GRAMD4: variants seen among roughly 807,000 people sequenced by gnomAD.
The protein encoded by GRAMD4 is GRAM domain-containing protein 4.
In GRAMD4, 25 loss-of-function variants were observed where a neutral mutation model predicts 83.9. That is an observed-to-expected ratio of 0.30 (90% CI 0.22 to 0.42). The LOEUF (loss-of-function observed/expected upper bound fraction) is 0.42, where lower values mean the gene tolerates loss of function less well. Among genes scored for constraint, GRAMD4 ranks in the 10% least tolerant of loss-of-function variants. The pLI is 1.00. For missense variants in GRAMD4, 593 were observed against 788.7 expected, an observed-to-expected ratio of 0.75 and a Z score of 2.97; for synonymous variants, 336 against 320.9, an observed-to-expected ratio of 1.05 and a Z score of -0.50.
Position 46,614,805 on chromosome 22 carries a change from TGTGTAGGTTCCC to T in GRAMD4, c.-49-11945_-49-11934del, listed in dbSNP as rs2081454550. Among the ~76,000 whole-genome samples, 3 of 115,908 alleles carry T rather than the reference TGTGTAGGTTCCC, an allele frequency of 2.6e-5. No individual in the cohort carries two copies. The South Asian group carries it at 8.9e-4, about 34-fold the overall frequency. 76.0% of individuals were successfully genotyped at this position (115,908 alleles called of 152,430 possible). A position where few individuals can be genotyped will look rare whatever the true frequency, so the allele number is the denominator to read the frequency against. ...GTTCCCCCGTGTGAAGGTTCCCCCG[TGTGTAGGTTCCC>T]CTGTGCTTTATAGGTTCTCCTGTGC... On this transcript the variant is annotated intron_variant, in intron 1 of 1. Transcript: ENST00000431155.
At chr22:46,592,724 T>G (rs1343890966) in intron 1 of GRAMD4, among the ~76,000 whole-genome samples, 2 of 152,120 alleles carry the variant, frequency 1.3e-5, no homozygotes, top group African/African-American at 4.8e-5. Context: ...AACCCCAGTG[T>G]CGGCTGATTT....
intron 1 of GRAMD4, among the ~76,000 whole-genome samples, chr22:46,608,741 G>T (rs1488701863): frequency 6.6e-6 from 1 of 152,128 alleles, no homozygotes; most frequent in African/African-American, 2.4e-5. Flanking sequence ...AGCTGCTGTG[G>T]TTCATGCCTG....
Position 46,668,698 on chromosome 22 carries a change from G to T in GRAMD4, c.940G>T (p.Gly314Trp). ...DVAQKAQNLF[G>W]KMADILEKIK... The stretch of plus-strand genomic sequence containing the variant: ...TTTCTCCTTCACACAGAACCTTTTC[G>T]GGAAGATGGCTGACATCCTGGAGAA... Residue 314 changes from glycine to tryptophan, a missense_variant, in exon 12 of 19, where the codon GGG becomes TGG. Gly to Trp is a radical substitution (Grantham distance 184). Around this residue, in one of 4 missense-constraint regions of GRAMD4, gnomAD observed 36 missense variants for 85.8 expected, o/e 0.42. Coordinates refer to ENST00000406902, the MANE Select transcript of GRAMD4 (RefSeq NM_015124.5). 6.2e-7 allele frequency: 1 copy of T among 1,612,572 alleles called. No individual in the cohort carries two copies. Among genetic ancestry groups the T allele is most frequent in the Non-Finnish European group, 8.5e-7 (1 of 1,179,558 alleles).
At chr22:46,629,683 C>T (rs1293278337) in intron 2 of GRAMD4, among the ~76,000 whole-genome samples, 1 of 152,224 alleles carries the variant, frequency 6.6e-6, no homozygotes, top group Non-Finnish European at 1.5e-5. Context: ...ATACAGTTCA[C>T]CCACTAAAAG....
At chr22:46,664,895 C>T (rs930468018) in intron 8 of GRAMD4, among the ~76,000 whole-genome samples, 1 of 152,242 alleles carries the variant, frequency 6.6e-6, no homozygotes, top group Non-Finnish European at 1.5e-5. Flanking sequence ...CAGGAAAGTC[C>T]CTGAAGCCTG....
intron 1 of GRAMD4, among the ~76,000 whole-genome samples, chr22:46,623,987 G>A (rs558251071): frequency 6.6e-6 from 1 of 151,944 alleles, no homozygotes; most frequent in East Asian, 1.9e-4. Context: ...TCGCCATGTT[G>A]ACCAGGCTGG....
chr22:46,586,624 G>T (rs1414062527), intron 1 of GRAMD4, among the ~76,000 whole-genome samples: 1 of 152,246 alleles, frequency 6.6e-6, no homozygotes, highest in Non-Finnish European at 1.5e-5. Context: ...AAGGAGCCAG[G>T]TATCCTACTG....
intron 8 of GRAMD4, among the ~76,000 whole-genome samples, chr22:46,664,741 G>A (rs1400003610): frequency 1.3e-5 from 2 of 152,236 alleles, no homozygotes; most frequent in African/African-American, 4.8e-5. Flanking sequence ...GATGCAGGCA[G>A]CCCACCTGCT....
In GRAMD4 at chr22:46,648,891, G is replaced by GATGC. The variant is rs1569288536; in HGVS notation, c.284-9293_284-9292insCATG. Among the ~76,000 whole-genome samples, 26 of 122,694 alleles carry GATGC rather than the reference G, an allele frequency of 2.1e-4. 1 individual carries two copies. The highest frequency in any genetic ancestry group is 7.6e-4 in the African/African-American group (22 of 28,898). The allele number at this position is 122,694 out of a possible 152,430, so 80.5% of individuals were successfully genotyped here. On this transcript the variant is annotated intron_variant, in intron 3 of 18. Coordinates refer to ENST00000406902, the MANE Select transcript of GRAMD4 (RefSeq NM_015124.5). ...GGATGGATGGATGGATGGATGGATG[G>GATGC]ATGGATGCATGGATGGATGGATGGA... is the stretch of plus-strand genomic sequence containing the variant.
intron 18 of GRAMD4, 56 bp from the exon 19 acceptor site, chr22:46,677,091 G>A: frequency 6.2e-7 from 1 of 1,605,380 alleles, no homozygotes; most frequent in Non-Finnish European, 8.5e-7. Flanking sequence ...CTCGGTCCTG[G>A]TCCTGGCGCC....
At chr22:46,602,509 A>G (rs573867789) in intron 1 of GRAMD4, among the ~76,000 whole-genome samples, 1 of 152,240 alleles carries the variant, frequency 6.6e-6, no homozygotes, top group South Asian at 2.1e-4. Flanking sequence ...CAAAAAGTAC[A>G]AAAATTAGCT....
rs1462691373 is a variant in GRAMD4, at chr22:46,671,060, G to A, written c.1085-1783G>A. ...TGTATTCTTTTGCAGTGCTGACAAG[G>A]GACCTCAGCTTAGAGGGGCAGAGGC... On this transcript the variant is annotated intron_variant, in intron 13 of 18. Coordinates refer to ENST00000406902, the MANE Select transcript of GRAMD4 (RefSeq NM_015124.5). 5 of 465,688 alleles carry A rather than the reference G, an allele frequency of 1.1e-5. No individual in the cohort carries two copies. The East Asian group carries it at 3.5e-4, about 33-fold the overall frequency. The allele number at this position is 465,688 out of a possible 1,614,324, so 28.8% of individuals were successfully genotyped here.
intron 2 of GRAMD4, among the ~76,000 whole-genome samples, chr22:46,633,716 A>G (rs1414871656): frequency 6.6e-6 from 1 of 152,168 alleles, no homozygotes; most frequent in Non-Finnish European, 1.5e-5. Flanking sequence ...GCATCACTTG[A>G]GACAATCCCA....
upstream of GRAMD4, among the ~76,000 whole-genome samples, chr22:46,616,349 C>G (rs1180754892): frequency 8.8e-5 from 3 of 33,966 alleles, no homozygotes; most frequent in African/African-American, 2.4e-4. Context: ...CCTGTGTGTA[C>G]GTTCCCCTGT....
At chr22:46,619,231 C>T (rs1416200494), upstream of GRAMD4, among the ~76,000 whole-genome samples, 1 of 152,190 alleles carries the variant, frequency 6.6e-6, no homozygotes, top group Non-Finnish European at 1.5e-5. Flanking sequence ...TCTCAGGACC[C>T]CAGAGGGCCC....
At chr22:46,583,621 T>C (rs995315553) in intron 1 of GRAMD4, among the ~76,000 whole-genome samples, 2 of 152,224 alleles carry the variant, frequency 1.3e-5, no homozygotes, top group Admixed American at 1.3e-4. Flanking sequence ...GTTTGAACAA[T>C]TGGAATTCCT....
intron 3 of GRAMD4, among the ~76,000 whole-genome samples, chr22:46,651,055 C>T (rs546058445): frequency 4.3e-4 from 65 of 152,332 alleles, no homozygotes; most frequent in African/African-American, 9.6e-4. Context: ...TCCTGGTTTC[C>T]CTGTGTGCCA....
intron 1 of GRAMD4, among the ~76,000 whole-genome samples, chr22:46,613,346 G>A (rs1445293868): frequency 6.6e-6 from 1 of 152,222 alleles, no homozygotes; most frequent in Admixed American, 6.5e-5. Context: ...TGGATAGTGG[G>A]ACACATGTCC....
At chr22:46,589,853 C>T (rs2081189188) in intron 1 of GRAMD4, among the ~76,000 whole-genome samples, 1 of 152,170 alleles carries the variant, frequency 6.6e-6, no homozygotes, top group Non-Finnish European at 1.5e-5. Context: ...TCCCCAGCAG[C>T]CTGACTGCCT....
Sources: allele counts gnomAD v4.1 joint callset (sites outside exome capture counted in the v4.1 genomes callset), GRCh38; gene constraint gnomAD v4.1.1; regional missense constraint gnomAD v4.1.1; transcripts MANE v1.5; gene names NCBI Gene and HGNC (gene_info 2026-07-23, HGNC 2026-07-21).